The following PCDHGB1 variants were observed in gnomAD, a reference collection of about 807,000 sequenced individuals.
PCDHGB1 encodes the protein protocadherin gamma subfamily B, 1, also known as protocadherin gamma-B1.
In PCDHGB1, 34 loss-of-function variants were observed where a neutral mutation model predicts 56.6. The observed-to-expected ratio is 0.60, with a 90% CI of 0.46 to 0.80. PCDHGB1 has a LOEUF of 0.80. Ranked by LOEUF, PCDHGB1 falls within the 30% of genes least tolerant of loss-of-function variation. The pLI is 0.00. For missense variants in PCDHGB1, 1,278 were observed against 1,204.6 expected (o/e 1.06, Z -0.90); for synonymous variants, 561 against 505.9 (o/e 1.11, Z -1.46).
At chr5:141,385,409 T>C in intron 1 of PCDHGB1, 1 of 1,478,112 alleles carries the variant, frequency 6.8e-7, no homozygotes, top group South Asian at 1.4e-5. Context: ...GTTTTGAAAA[T>C]AGGGATTTAA....
Position 141,351,853 on chromosome 5 carries a change from G to C in PCDHGB1, c.1593G>C (p.Arg531Ser), listed in dbSNP as rs563575027. ...CCTTCGAGCTCACACTGCAGGCCAG[G>C]GACCAGGGCTCCCCCGCGCTCAGCG... ...LRAFELTLQA[R>S]DQGSPALSAN... The change falls in exon 1 of 4, where the codon AGG becomes AGC. Residue 531 changes from arginine to serine, a missense_variant. Arg to Ser is a moderately radical substitution (Grantham distance 110). Transcript: ENST00000523390. 682 of 1,613,028 alleles carry C rather than the reference G, an allele frequency of 4.2e-4. 6 individuals are homozygous for C. The Middle Eastern group carries it at 7.5e-3, about 18-fold the overall frequency.
At chr5:141,425,606 G>A (rs1419859039) in intron 1 of PCDHGB1, among the ~76,000 whole-genome samples, 1 of 152,156 alleles carries the variant, frequency 6.6e-6, no homozygotes, top group Non-Finnish European at 1.5e-5. Context: ...GCCCTATATA[G>A]CTTTCAGTGC....
chr5:141,414,903 C>A, intron 1 of PCDHGB1: 2 of 1,614,218 alleles, frequency 1.2e-6, no homozygotes, highest in Non-Finnish European at 1.7e-6. Flanking sequence ...CAGACGGTTC[C>A]ACAGGCGTGG....
chr5:141,500,184 T>TTTTA (rs58019021), intron 2 of PCDHGB1, among the ~76,000 whole-genome samples: 28,743 of 135,782 alleles, frequency 0.21, 3,285 homozygotes, highest in African/African-American at 0.3. Context: ...TCATTTTTAT[T>TTTTA]TTTATTTATT....
At chr5:141,420,824 C>T (rs1282369085) in intron 1 of PCDHGB1, among the ~76,000 whole-genome samples, 1 of 152,216 alleles carries the variant, frequency 6.6e-6, no homozygotes, top group Admixed American at 6.5e-5. Context: ...TTAATAATTA[C>T]TCCTTTCGCA....
At chr5:141,410,078 G>A (rs1258292051) in intron 1 of PCDHGB1, 1 of 1,612,820 alleles carries the variant, frequency 6.2e-7, no homozygotes, top group Non-Finnish European at 8.5e-7. Flanking sequence ...CACTGGGGAG[G>A]TGCGCACGGC....
chr5:141,354,569 C>G (rs1055724310), intron 1 of PCDHGB1, among the ~76,000 whole-genome samples: 2 of 152,224 alleles, frequency 1.3e-5, no homozygotes, highest in Admixed American at 1.3e-4. Flanking sequence ...AAACTTGTTA[C>G]TGCATAAATT....
rs766164142 is a variant in PCDHGB1, at chr5:141,477,910, G to T, written c.2410-16897G>T. ...TGTCACGGGTGGTAGGCTGGGACGC[G>T]GATGCAGGGCACAATGCCTGGCTCT... On this transcript the variant is annotated intron_variant, in intron 1 of 3. Transcript: ENST00000523390. This position sits in a 1 kb window ranked among gnomAD's most constrained non-coding sequence, Gnocchi z 4.9. The T allele has an allele frequency of 6.2e-7, 1 of 1,614,048 alleles. No individual in the cohort carries two copies. Among genetic ancestry groups the T allele is most frequent in the African/African-American group, 1.3e-5 (1 of 74,932 alleles).
At chr5:141,395,277 A>G (rs758440707) in intron 1 of PCDHGB1, 2 of 1,542,838 alleles carry the variant, frequency 1.3e-6, no homozygotes, top group East Asian at 2.3e-5. Flanking sequence ...TTCCAGATGA[A>G]TTTTATTTGG....
intron 1 of PCDHGB1, chr5:141,413,959 G>A: frequency 1.9e-6 from 3 of 1,613,372 alleles, no homozygotes; most frequent in Middle Eastern, 3.3e-4. Context: ...TTTGCCTGTG[G>A]GCACTCAGCT....
intron 1 of PCDHGB1, chr5:141,428,437 C>G: frequency 2.5e-6 from 1 of 400,386 alleles, no homozygotes; most frequent in East Asian, 5.4e-5. Flanking sequence ...TAAGACTAGA[C>G]CAGGGGTTTT....
At chr5:141,370,557 G>C in intron 1 of PCDHGB1, 3 of 1,613,966 alleles carry the variant, frequency 1.9e-6, no homozygotes, top group Non-Finnish European at 2.5e-6. Flanking sequence ...CAAGGACCTG[G>C]GGTTTGGCGT....
Position 141,372,073 on chromosome 5 carries a change from C to G in PCDHGB1, c.2409+19404C>G, listed in dbSNP as rs774208540. ...GTGGACGACCGCAACGACAATGCACCGCTGGTGCTGTACCCAGCTCTGGGG... is the reference window on the plus strand; with the variant it reads ...GTGGACGACCGCAACGACAATGCACGGCTGGTGCTGTACCCAGCTCTGGGG... On this transcript the variant is annotated intron_variant, in intron 1 of 3. Transcript: ENST00000523390. 4 of 1,613,648 alleles carry G rather than the reference C, an allele frequency of 2.5e-6. No individual in the cohort carries two copies. The South Asian group carries it at 4.4e-5, about 18-fold the overall frequency.
Position 141,423,433 on chromosome 5 carries a change from A to G in PCDHGB1, c.2409+70764A>G, listed in dbSNP as rs746170494. ...GGCTTCTGAAGGCGGGTTGGCAGGT[A>G]TGCCCACGTCACATTTTGTAGGCGT... On this transcript the variant is annotated intron_variant, in intron 1 of 3. Coordinates refer to ENST00000523390, the MANE Select transcript of PCDHGB1 (RefSeq NM_018922.3). 3.1e-6 allele frequency: 5 copies of G among 1,614,010 alleles called. No homozygotes were observed. The East Asian group carries it at 8.9e-5, about 29-fold the overall frequency.
At chr5:141,386,234 T>A (rs570347588) in intron 1 of PCDHGB1, among the ~76,000 whole-genome samples, 2 of 152,292 alleles carry the variant, frequency 1.3e-5, no homozygotes, top group Admixed American at 6.5e-5. Context: ...TACTGAAAAA[T>A]TCAGTTGGAA....
chr5:141,352,643 G>A lies in PCDHGB1; in HGVS notation c.2383G>A (p.Ala795Thr), dbSNP rs199530238. 1.1e-4 allele frequency: 177 copies of A among 1,606,940 alleles called. No individual in the cohort carries two copies. In the African/African-American group the frequency reaches 2.2e-3, roughly 20 times the overall value. The change falls in exon 1 of 4, where the codon GCT becomes ACT. Residue 795 changes from alanine to threonine, a missense_variant. Physicochemically the swap from Ala to Thr is moderately conservative, Grantham distance 58 (BLOSUM62 0). Coordinates refer to ENST00000523390, the MANE Select transcript of PCDHGB1 (RefSeq NM_018922.3). ...TGCCAGTAATGAAGATCACAAAATC[G>A]CTTATGACCCTTCTTTGTCTTCGCA... is the stretch of plus-strand genomic sequence containing the variant. Reference protein sequence around the residue: ...VCASNEDHKIAYDPSLSSHQA... With the variant: ...VCASNEDHKITYDPSLSSHQA...
intron 1 of PCDHGB1, chr5:141,370,882 G>A (rs762362899): frequency 6.2e-7 from 1 of 1,613,894 alleles, no homozygotes. Flanking sequence ...CCTGATGTAG[G>A]TGTCAATTCG....
At chr5:141,421,892 T>C in intron 1 of PCDHGB1, 1 of 1,613,684 alleles carries the variant, frequency 6.2e-7, no homozygotes, top group Non-Finnish European at 8.5e-7. Context: ...GGCGATCCCA[T>C]CCGAAAGGGC....
rs1414722237 is a variant in PCDHGB1 at position 141,432,748 on chromosome 5, C to T, written c.2410-62059C>T. On this transcript the variant is annotated intron_variant, in intron 1 of 3. Coordinates refer to ENST00000523390, the MANE Select transcript of PCDHGB1 (RefSeq NM_018922.3). The surrounding 1 kb of genome is among the most constrained non-coding windows in gnomAD (Gnocchi z 6.0). ...CCGCCACTGTCACGCTCACCGTGGC[C>T]GTGGCCGACAGCATCCCCCAAGTCC... 1 of 1,614,120 alleles carries T rather than the reference C, an allele frequency of 6.2e-7. No homozygotes were observed. The highest frequency in any genetic ancestry group is 8.5e-7 in the Non-Finnish European group (1 of 1,179,980).
Sources: gnomAD v4.1 joint callset for allele counts (sites outside exome capture counted in the v4.1 genomes callset) on GRCh38, gnomAD v4.1.1 for gene constraint, Gnocchi (gnomAD v3.1) non-coding constraint, MANE v1.5 for transcripts, NCBI Gene and HGNC (gene_info 2026-07-23, HGNC 2026-07-21) for gene names.